The following TLN2 variants were observed in gnomAD, a reference collection of about 807,000 sequenced individuals.
The protein encoded by TLN2 is talin-2.
In TLN2, 118 loss-of-function variants were observed where a neutral mutation model predicts 294.7. The observed-to-expected ratio is 0.40, with a 90% CI of 0.34 to 0.47. TLN2 has a LOEUF of 0.47. TLN2 is among the 20% of genes least tolerant of loss of function. TLN2 has a pLI of 0.84. For missense variants in TLN2, 3,083 were observed against 3,282.2 expected (o/e 0.94, Z 1.48); for synonymous variants, 1,431 against 1,304.5 (o/e 1.10, Z -2.09).
chr15:62,826,129 AT>A (rs1343786005), intron 54 of TLN2, among the ~76,000 whole-genome samples: 1 of 151,520 alleles, frequency 6.6e-6, no homozygotes, highest in East Asian at 1.9e-4. Flanking sequence ...GGGGCTTAAG[AT>A]GTAGGGAGTT....
At position 62,521,326 on chromosome 15, in the gene TLN2, T is replaced by G. The variant is rs557351585; in HGVS notation, c.-237-68361T>G. Among the ~76,000 whole-genome samples the G allele has an allele frequency of 3.3e-5, 5 of 151,912 alleles. No homozygotes were observed. The East Asian group carries it at 1.0e-3, about 31-fold the overall frequency. On this transcript the variant is annotated intron_variant, in intron 1 of 58. Transcript: ENST00000636159. ...ACAGGGGAAAGCCCTGGAATAGGGTTAGGGTGTTGTTAACCAAAAAACCTA... is the reference window on the plus strand; with the variant it reads ...ACAGGGGAAAGCCCTGGAATAGGGTGAGGGTGTTGTTAACCAAAAAACCTA...
chr15:62,490,899 G>A (rs2038668878), intron 1 of TLN2, among the ~76,000 whole-genome samples: 1 of 152,164 alleles, frequency 6.6e-6, no homozygotes, highest in African/African-American at 2.4e-5. Flanking sequence ...AGTCAATTTA[G>A]GAAGTTTATT....
At chr15:62,394,368 G>C (rs1286320783) in intron 1 of TLN2, among the ~76,000 whole-genome samples, 1 of 152,118 alleles carries the variant, frequency 6.6e-6, no homozygotes, top group Non-Finnish European at 1.5e-5. Context: ...TACTCAAAAA[G>C]AGCTAAATAA....
chr15:62,582,411 A>G (rs956956027), intron 1 of TLN2, among the ~76,000 whole-genome samples: 2 of 152,198 alleles, frequency 1.3e-5, no homozygotes, highest in Non-Finnish European at 2.9e-5. Flanking sequence ...GGGAGAAGCC[A>G]TAGTTCTTGC....
At chr15:62,445,085 T>C (rs1216306712) in intron 1 of TLN2, among the ~76,000 whole-genome samples, 6 of 152,198 alleles carry the variant, frequency 3.9e-5, no homozygotes, top group Non-Finnish European at 8.8e-5. Flanking sequence ...AATACCAGGC[T>C]TGGGGATATC....
chr15:62,819,266 A>T (rs907214437), intron 52 of TLN2, among the ~76,000 whole-genome samples: 5 of 152,172 alleles, frequency 3.3e-5, no homozygotes. Flanking sequence ...TGTCTCCTTT[A>T]TGATCTTTAG....
At chr15:62,781,019 A>T in intron 43 of TLN2, 121 bp from the exon 44 acceptor site, 1 of 700,542 alleles carries the variant, frequency 1.4e-6, no homozygotes, top group Non-Finnish European at 2.4e-6. Flanking sequence ...AATTGAGTTG[A>T]CACTGGGCGA....
At chr15:62,593,057 T>A (rs2046209243) in intron 2 of TLN2, among the ~76,000 whole-genome samples, 1 of 152,362 alleles carries the variant, frequency 6.6e-6, no homozygotes, top group East Asian at 1.9e-4. Flanking sequence ...TTCCCACTGC[T>A]ATTTAGGGAG....
chr15:62,554,259 T>C (rs1433653666), intron 1 of TLN2, among the ~76,000 whole-genome samples: 1 of 151,016 alleles, frequency 6.6e-6, no homozygotes, highest in African/African-American at 2.4e-5. Context: ...TGATGCTCAT[T>C]CATGTATTTC....
At chr15:62,682,804 C>T (rs1209374837) in intron 11 of TLN2, 2 of 152,102 alleles carry the variant, frequency 1.3e-5, no homozygotes, top group Non-Finnish European at 2.9e-5. Flanking sequence ...CAGAAAATCA[C>T]GTGTAACCCT....
At chr15:62,756,182 G>A (rs183085026) in intron 37 of TLN2, among the ~76,000 whole-genome samples, 5 of 152,314 alleles carry the variant, frequency 3.3e-5, no homozygotes, top group Admixed American at 1.3e-4. Context: ...CATCATTCCT[G>A]TGATATTAAT....
At chr15:62,493,353 C>G (rs939088354) in intron 1 of TLN2, among the ~76,000 whole-genome samples, 2 of 152,164 alleles carry the variant, frequency 1.3e-5, no homozygotes, top group Non-Finnish European at 2.9e-5. Context: ...CCTCACGTGT[C>G]AAACACTGGT....
At chr15:62,640,254 A>C in intron 3 of TLN2, 1 of 456,040 alleles carries the variant, frequency 2.2e-6, no homozygotes, top group Non-Finnish European at 4.4e-6. Flanking sequence ...GAGAGAGCTG[A>C]ATCATTCCTG....
rs763728729 is a variant in TLN2 at position 62,800,467 on chromosome 15, A to G, written c.6334A>G (p.Met2112Val). The change falls in exon 49 of 59, where the codon ATG becomes GTG. Residue 2112 changes from methionine (M) to valine (V), a missense_variant. Transcript: ENST00000636159. The part of the protein sequence containing the change: ...AASKPVDDPS[M>V]YQLKGAAKVM... ...CAGCAAGCCAGTGGACGACCCTTCC[A>G]TGTACCAGCTCAAGGGGGCTGCCAA... 3.1e-6 allele frequency: 5 copies of G among 1,614,038 alleles called. No individual in the cohort carries two copies. The highest frequency in any genetic ancestry group is 1.7e-5 in the Admixed American group (1 of 59,998).
intron 1 of TLN2, among the ~76,000 whole-genome samples, chr15:62,582,242 A>ACG (rs1487083545): frequency 2.8e-5 from 4 of 140,870 alleles, no homozygotes; most frequent in African/African-American, 1.2e-4. Context: ...ACACACACAC[A>ACG]CACACATTCA....
At chr15:62,463,075 C>T (rs1400957926) in intron 1 of TLN2, among the ~76,000 whole-genome samples, 1 of 152,182 alleles carries the variant, frequency 6.6e-6, no homozygotes, top group Admixed American at 6.5e-5. Context: ...AACCCCCCTG[C>T]CTCTGGCAGC....
rs1232653434 is a variant in TLN2 at position 62,390,684 on chromosome 15, C to G, written c.-239C>G. 1 of 152,096 alleles carries G rather than the reference C, an allele frequency of 6.6e-6. No individual in the cohort carries two copies. The highest frequency in any genetic ancestry group is 2.4e-5 in the African/African-American group (1 of 41,444). The allele number at this position is 152,096 out of a possible 1,614,324, so 9.4% of individuals were successfully genotyped here. ...GCAATGAGACAGTAAATGCATCCCC[C>G]GGTAAGGCGCACGGCTCACTCGGGT... is the stretch of plus-strand genomic sequence containing the variant. On this transcript the variant is annotated splice_region_variant and 5_prime_UTR_variant, in exon 1 of 59. Coordinates refer to ENST00000636159, the MANE Select transcript of TLN2 (RefSeq NM_015059.3).
chr15:62,795,147 G>T (rs1015391950), intron 46 of TLN2, among the ~76,000 whole-genome samples: 10 of 152,166 alleles, frequency 6.6e-5, no homozygotes, highest in Non-Finnish European at 1.3e-4. Flanking sequence ...GGCACAGGAT[G>T]ATACATCCGT....
intron 1 of TLN2, among the ~76,000 whole-genome samples, chr15:62,530,935 G>T (rs1425823996): frequency 6.6e-6 from 1 of 152,062 alleles, no homozygotes. Context: ...TGGTGTTGGG[G>T]TCTATTATTC....
Sources: gnomAD v4.1 joint callset for allele counts (sites outside exome capture counted in the v4.1 genomes callset) on GRCh38, gnomAD v4.1.1 for gene constraint, MANE v1.5 for transcripts, NCBI Gene and HGNC (gene_info 2026-07-23, HGNC 2026-07-21) for gene names.